Variants in STXBP4 observed in about 807,000 individuals in gnomAD.
The protein encoded by STXBP4 is syntaxin binding protein 4.
A neutral mutation model predicts 76.1 loss-of-function variants in STXBP4; 55 were observed. The ratio of observed to expected loss-of-function variants is 0.72; its 90% CI spans 0.58 to 0.91. The LOEUF (loss-of-function observed/expected upper bound fraction) is 0.91, where lower values mean the gene tolerates loss of function less well. Ranked by LOEUF, STXBP4 falls within the 40% of genes least tolerant of loss-of-function variation. The probability of loss-of-function intolerance (pLI) is 0.00; values close to 1 mark genes in which losing one functional copy is unlikely to be tolerated. For missense variants in STXBP4, 618 were observed against 636.9 expected (o/e 0.97, Z 0.32); for synonymous variants, 201 against 220.2 (o/e 0.91, Z 0.77).
Position 55,111,611 on chromosome 17 carries a change from C to T in STXBP4, c.1490-29699C>T, listed in dbSNP as rs774895387. Among the ~76,000 whole-genome samples the T allele has an allele frequency of 5.1e-4, 77 of 152,212 alleles. 1 individual carries two copies. The highest frequency in any genetic ancestry group is 9.3e-4 in the Non-Finnish European group (63 of 68,020). ...TTGTTTAAAAGTGTGCAGCACCTCCCCCAACCTTATTCATGGGCTGGCTGT... is the reference window on the plus strand; with the variant it reads ...TTGTTTAAAAGTGTGCAGCACCTCCTCCAACCTTATTCATGGGCTGGCTGT... On this transcript the variant is annotated intron_variant, in intron 16 of 17. Transcript: ENST00000376352.
At chr17:55,003,282 G>T (rs1245344998) in intron 7 of STXBP4, among the ~76,000 whole-genome samples, 1 of 152,148 alleles carries the variant, frequency 6.6e-6, no homozygotes, top group African/African-American at 2.4e-5. Flanking sequence ...GTCGCTATAA[G>T]AATAGTGGTA....
Position 55,131,448 on chromosome 17 carries a change from A to C in STXBP4, c.1490-9862A>C, listed in dbSNP as rs375470592. Among the ~76,000 whole-genome samples the C allele has an allele frequency of 1.5e-3, 221 of 152,320 alleles. 7 individuals carry two copies. The South Asian group carries it at 0.045, about 31-fold the overall frequency. ...TAATTTCTCTGTCAGTTTTGAATCT[A>C]GCATTTTGACTTAATTAGCAAGCTG... On this transcript the variant is annotated intron_variant, in intron 16 of 17. Coordinates refer to ENST00000376352, the MANE Select transcript of STXBP4 (RefSeq NM_178509.6).
Position 55,127,290 on chromosome 17 carries a change from G to A in STXBP4, c.1490-14020G>A, listed in dbSNP as rs117869073. 3.5e-3 allele frequency among the ~76,000 whole-genome samples: 533 copies of A among 152,204 alleles called. 13 individuals are homozygous for A. The highest frequency in any genetic ancestry group is 0.027 in the Middle Eastern group (8 of 294). ...GCTTTTGAGATTCATCCTTGTATGC[G>A]TAATGTTGAGTGGTATTCCATTATA... On this transcript the variant is annotated intron_variant, in intron 16 of 17. Coordinates refer to ENST00000376352, the MANE Select transcript of STXBP4 (RefSeq NM_178509.6).
chr17:55,039,701 T>C (rs543633416), intron 10 of STXBP4, among the ~76,000 whole-genome samples: 2 of 152,016 alleles, frequency 1.3e-5, no homozygotes, highest in East Asian at 3.9e-4. Flanking sequence ...TAGGACTTGC[T>C]GACCCTTTGG....
intron 16 of STXBP4, among the ~76,000 whole-genome samples, chr17:55,125,203 CT>C (rs2079896249): frequency 6.6e-6 from 1 of 152,098 alleles, no homozygotes; most frequent in Admixed American, 6.5e-5. Flanking sequence ...AGAAGCTGCT[CT>C]TTTCATTCAG....
intron 1 of STXBP4, among the ~76,000 whole-genome samples, chr17:54,976,414 ATTTGTCTTATCTGAGTTAC>A (rs1187160042): frequency 2.0e-5 from 3 of 152,232 alleles, no homozygotes; most frequent in Non-Finnish European, 4.4e-5. Context: ...AGAAAGTTAA[ATTTGTCTTATCTGAGTTAC>A]TTTCTCAGGA....
chr17:54,986,406 C>A, intron 3 of STXBP4, 140 bp downstream of exon 3: 1 of 604,840 alleles, frequency 1.7e-6, no homozygotes, highest in Non-Finnish European at 2.9e-6. Flanking sequence ...TAAAGTAATA[C>A]GTTGAATTAC....
At position 55,111,637 on chromosome 17, in the gene STXBP4, G is replaced by A. The variant is rs145356672; in HGVS notation, c.1490-29673G>A. ...CCAACCTTATTCATGGGCTGGCTGTGTGACATACCTGCTCCTGCTTTGCCT... is the reference window on the plus strand; with the variant it reads ...CCAACCTTATTCATGGGCTGGCTGTATGACATACCTGCTCCTGCTTTGCCT... On this transcript the variant is annotated intron_variant, in intron 16 of 17. Coordinates refer to ENST00000376352, the MANE Select transcript of STXBP4 (RefSeq NM_178509.6). Among the ~76,000 whole-genome samples, 509 of 152,272 alleles carry A rather than the reference G, an allele frequency of 3.3e-3. 2 individuals are homozygous for A. The highest frequency in any genetic ancestry group is 0.011 in the African/African-American group (474 of 41,552).
intron 16 of STXBP4, among the ~76,000 whole-genome samples, chr17:55,111,759 T>C (rs2079720828): frequency 6.6e-6 from 1 of 152,186 alleles, no homozygotes; most frequent in African/African-American, 2.4e-5. Context: ...CCAATTAAAC[T>C]TTTTTCTTTA....
intron 1 of STXBP4, among the ~76,000 whole-genome samples, chr17:54,972,095 A>T (rs992889623): frequency 6.6e-6 from 1 of 152,188 alleles, no homozygotes; most frequent in Non-Finnish European, 1.5e-5. Context: ...ACATGATCTC[A>T]ATTTATTCCG....
At chr17:55,041,281 A>T (rs2078695368) in intron 10 of STXBP4, among the ~76,000 whole-genome samples, 1 of 136,826 alleles carries the variant, frequency 7.3e-6, no homozygotes, top group South Asian at 2.3e-4. Context: ...ATCAGGCTGG[A>T]GTGCAGTGGT....
intron 1 of STXBP4, among the ~76,000 whole-genome samples, chr17:54,974,526 A>G (rs971829724): frequency 5.9e-5 from 9 of 152,370 alleles, no homozygotes; most frequent in African/African-American, 2.2e-4. Flanking sequence ...AATAGAAGGC[A>G]TTTATTAATT....
At chr17:55,000,311 A>C (rs2077888130) in intron 6 of STXBP4, 1 of 966,440 alleles carries the variant, frequency 1.0e-6, no homozygotes, top group African/African-American at 1.8e-5. Flanking sequence ...AAGTAGAATC[A>C]CACAAAATGG....
intron 16 of STXBP4, among the ~76,000 whole-genome samples, chr17:55,111,976 C>T (rs2079725069): frequency 6.6e-6 from 1 of 152,138 alleles, no homozygotes; most frequent in African/African-American, 2.4e-5. Context: ...AGTGCAATAG[C>T]ACAGTCATAG....
chr17:55,042,311 T>G (rs2078714196), intron 10 of STXBP4, among the ~76,000 whole-genome samples: 1 of 152,160 alleles, frequency 6.6e-6, no homozygotes, highest in Non-Finnish European at 1.5e-5. Context: ...TGTTTCTTCA[T>G]CTGTAAAATG....
intron 10 of STXBP4, among the ~76,000 whole-genome samples, chr17:55,038,399 G>A (rs903073772): frequency 2.0e-5 from 3 of 151,986 alleles, no homozygotes; most frequent in African/African-American, 7.2e-5. Flanking sequence ...TAGAATTATA[G>A]AATATGTACT....
At chr17:55,003,325 A>G (rs1273480810) in intron 7 of STXBP4, among the ~76,000 whole-genome samples, 1 of 152,324 alleles carries the variant, frequency 6.6e-6, no homozygotes, top group Non-Finnish European at 1.5e-5. Flanking sequence ...TTAGTGAAAA[A>G]TATATTTAAG....
chr17:55,082,954 G>A (rs1400201646), intron 16 of STXBP4, among the ~76,000 whole-genome samples: 2 of 151,404 alleles, frequency 1.3e-5, no homozygotes, highest in Non-Finnish European at 1.5e-5. Flanking sequence ...AGAAGTAGTT[G>A]CATGCAAGAA....
chr17:55,121,917 G>T (rs1162913045), intron 16 of STXBP4, among the ~76,000 whole-genome samples: 4 of 151,910 alleles, frequency 2.6e-5, no homozygotes, highest in Non-Finnish European at 5.9e-5. Flanking sequence ...AAATGTGTAG[G>T]GATCAGCCAC....
Sources: allele counts gnomAD v4.1 joint callset (sites outside exome capture counted in the v4.1 genomes callset), GRCh38; gene constraint gnomAD v4.1.1; transcripts MANE v1.5; gene names NCBI Gene and HGNC (gene_info 2026-07-23, HGNC 2026-07-21).